EYS: variants seen among roughly 807,000 people sequenced by gnomAD.
The protein encoded by EYS is protein eyes shut homolog.
EYS carries 250 observed loss-of-function variants against 282.1 expected under a neutral mutation model. The observed-to-expected ratio is 0.89, with a 90% confidence interval of 0.80 to 0.98. The LOEUF is 0.98. EYS is among the 50% of genes least tolerant of loss of function. The probability of loss-of-function intolerance (pLI) is 0.00; values close to 1 mark genes in which losing one functional copy is unlikely to be tolerated. For synonymous variants in EYS, 1,355 were observed against 1,282.9 expected, an observed-to-expected ratio of 1.06 and a Z score of -1.20; for missense variants, 4,016 against 3,709.0, an observed-to-expected ratio of 1.08 and a Z score of -2.15.
intron 26 of EYS, among the ~76,000 whole-genome samples, chr6:64,503,830 G>A (rs1434456079): frequency 1.3e-5 from 2 of 152,122 alleles, no homozygotes; most frequent in Non-Finnish European, 1.5e-5. Context: ...CTGGTGGGAG[G>A]TAATTGGACC....
At chr6:63,798,963 GTATATATATATA>G (rs1231377496) in intron 37 of EYS, among the ~76,000 whole-genome samples, 52 of 110,870 alleles carry the variant, frequency 4.7e-4, no homozygotes, top group African/African-American at 1.3e-3. Flanking sequence ...ATGTATATGT[GTATATATATATA>G]TGTATATGTG....
chr6:64,113,034 T>A (rs1213708460), intron 31 of EYS, among the ~76,000 whole-genome samples: 1 of 152,064 alleles, frequency 6.6e-6, no homozygotes, highest in African/African-American at 2.4e-5. Flanking sequence ...TCCTTAAGGT[T>A]ATGTTGATTG....
intron 41 of EYS, among the ~76,000 whole-genome samples, chr6:63,757,754 G>A (rs1306933532): frequency 6.6e-6 from 1 of 152,094 alleles, no homozygotes; most frequent in Admixed American, 6.6e-5. Context: ...AAATATTGGG[G>A]GTGGGTTCCC....
At chr6:65,687,260 G>A (rs557622220) in intron 1 of EYS, among the ~76,000 whole-genome samples, 2 of 152,078 alleles carry the variant, frequency 1.3e-5, no homozygotes, top group East Asian at 1.9e-4. Flanking sequence ...TACTAAAAAT[G>A]CAAGGTTATA....
intron 13 of EYS, among the ~76,000 whole-genome samples, chr6:65,009,036 C>T (rs1771781179): frequency 6.6e-6 from 1 of 152,088 alleles, no homozygotes; most frequent in Admixed American, 6.5e-5. Flanking sequence ...GACATTCTAG[C>T]AAAAGCAGGG....
intron 12 of EYS, among the ~76,000 whole-genome samples, chr6:65,059,966 C>T (rs1487789993): frequency 1.3e-5 from 2 of 152,024 alleles, no homozygotes; most frequent in African/African-American, 4.8e-5. Context: ...ATCACCCTGT[C>T]CCTCTCTAGG....
chr6:64,328,558 C>A (rs981233739), intron 29 of EYS, among the ~76,000 whole-genome samples: 2 of 152,156 alleles, frequency 1.3e-5, no homozygotes, highest in East Asian at 3.9e-4. Context: ...CCAGAGGCTG[C>A]GGGTAATCAG....
chr6:64,307,941 C>T (rs1308946012), intron 29 of EYS, among the ~76,000 whole-genome samples: 1 of 151,942 alleles, frequency 6.6e-6, no homozygotes, highest in East Asian at 1.9e-4. Context: ...TATCTTAGTA[C>T]TGTATAGATT....
At chr6:64,531,134 T>G (rs557708815) in intron 26 of EYS, among the ~76,000 whole-genome samples, 2 of 152,210 alleles carry the variant, frequency 1.3e-5, no homozygotes, top group South Asian at 4.1e-4. Flanking sequence ...ATGAGACAGA[T>G]CTCATATTTT....
intron 13 of EYS, among the ~76,000 whole-genome samples, chr6:65,030,368 G>A (rs1772558705): frequency 1.3e-5 from 2 of 151,958 alleles, no homozygotes; most frequent in Admixed American, 1.3e-4. Flanking sequence ...ACAGACTACT[G>A]CCAGCATGCA....
chr6:64,221,341 A>T (rs1363035696), intron 31 of EYS, among the ~76,000 whole-genome samples: 2 of 151,968 alleles, frequency 1.3e-5, no homozygotes, highest in Non-Finnish European at 2.9e-5. Flanking sequence ...CACAGGAGGG[A>T]ATTCATTATA....
intron 24 of EYS, among the ~76,000 whole-genome samples, chr6:64,603,861 C>CTCTGTGTGTG (rs1766838448): frequency 6.7e-6 from 1 of 148,184 alleles, no homozygotes; most frequent in East Asian, 2.0e-4. Flanking sequence ...AAATGAATAC[C>CTCTGTGTGTG]TGTGTGTGTG....
At chr6:65,347,085 T>C (rs1389278814) in intron 9 of EYS, among the ~76,000 whole-genome samples, 1 of 151,878 alleles carries the variant, frequency 6.6e-6, no homozygotes, top group Non-Finnish European at 1.5e-5. Flanking sequence ...ATTTGTAATA[T>C]TGACGGATAT....
rs542108782 is a variant in EYS, at chr6:65,211,957, G to A, written c.2023+83906C>T. On this transcript the variant is annotated intron_variant, in intron 12 of 42. Coordinates refer to ENST00000503581, the MANE Select transcript of EYS (RefSeq NM_001142800.2). ...TGAGGTAAAGGCATAATAGATCTTAGCATCTAAATTATGGACAAATAAGTA... is the reference window on the plus strand; with the variant it reads ...TGAGGTAAAGGCATAATAGATCTTAACATCTAAATTATGGACAAATAAGTA... 6.6e-5 allele frequency among the ~76,000 whole-genome samples: 10 copies of A among 152,008 alleles called. No homozygotes were observed. The East Asian group carries it at 1.9e-3, about 29-fold the overall frequency.
At chr6:65,544,925 T>C (rs182820136) in intron 2 of EYS, among the ~76,000 whole-genome samples, 79 of 152,276 alleles carry the variant, frequency 5.2e-4, no homozygotes, top group African/African-American at 1.9e-3. Context: ...TAAAATAATT[T>C]AAAAGAACTG....
In EYS at chr6:63,885,666, C is replaced by T. The variant is rs538313938; in HGVS notation, c.7056-21308G>A. Reference sequence around the variant, plus strand: ...GTCAGAAATACAGATCTATAGTTCTCACCAAGGAGCTACTTACTAGAAGCA... The same window carrying T: ...GTCAGAAATACAGATCTATAGTTCTTACCAAGGAGCTACTTACTAGAAGCA... On this transcript the variant is annotated intron_variant, in intron 35 of 42. Transcript: ENST00000503581. Among the ~76,000 whole-genome samples the T allele has an allele frequency of 2.6e-5, 4 of 152,220 alleles. 1 individual carries two copies. The South Asian group carries it at 6.2e-4, about 24-fold the overall frequency.
At chr6:65,592,577 A>G (rs1765267184) in intron 2 of EYS, among the ~76,000 whole-genome samples, 1 of 151,972 alleles carries the variant, frequency 6.6e-6, no homozygotes, top group African/African-American at 2.4e-5. Flanking sequence ...AACCCTCACA[A>G]CCACCCAGAG....
chr6:65,014,721 C>T (rs1197492186), intron 13 of EYS, among the ~76,000 whole-genome samples: 1 of 152,064 alleles, frequency 6.6e-6, no homozygotes. Context: ...TTTTATGTGC[C>T]ATTAAGGGTA....
intron 13 of EYS, among the ~76,000 whole-genome samples, chr6:65,021,241 T>G (rs1044724126): frequency 1.3e-5 from 2 of 152,196 alleles, no homozygotes; most frequent in African/African-American, 4.8e-5. Context: ...TATGCTCCGC[T>G]TCCTTTTGGA....
Sources: allele counts gnomAD v4.1 joint callset (sites outside exome capture counted in the v4.1 genomes callset), GRCh38; gene constraint gnomAD v4.1.1; transcripts MANE v1.5; gene names NCBI Gene and HGNC (gene_info 2026-07-23, HGNC 2026-07-21).